SAMMSON: variants seen among roughly 807,000 people sequenced by gnomAD.
The protein encoded by SAMMSON is survival associated mitochondrial melanoma specific oncogenic non-coding RNA, also known as long intergenic non-protein coding RNA 1212.
intron 1 of SAMMSON, among the ~76,000 whole-genome samples, chr3:70,011,982 G>A (rs10510994): frequency 0.45 from 68,341 of 151,700 alleles, 16,482 homozygotes; most frequent in East Asian, 0.63. Context: ...CTGTGAGTTA[G>A]AGGTGATATG....
intron 3 of SAMMSON, among the ~76,000 whole-genome samples, chr3:70,016,676 A>G (rs1229918098): frequency 2.6e-5 from 4 of 152,082 alleles, no homozygotes; most frequent in Non-Finnish European, 1.5e-5. Flanking sequence ...CTGTGTCCTG[A>G]ATGGTATTGC....
At chr3:70,101,825 C>T (rs190430097) in intron 4 of SAMMSON, among the ~76,000 whole-genome samples, 55 of 152,140 alleles carry the variant, frequency 3.6e-4, no homozygotes, top group Admixed American at 2.0e-3. Context: ...CAATTAATAA[C>T]GAAACTAAAA....
rs577190693 is a variant in SAMMSON, at chr3:70,384,743, T to A, written n.914-4831T>A. On this transcript the variant is annotated intron_variant and non_coding_transcript_variant, in intron 9 of 9. Coordinates refer to ENST00000642114, the Ensembl canonical transcript of SAMMSON. ...AATAACAAGCTTACTAGAAATTACC[T>A]TCTCACTGCCATCTAAAAGTGGTAG... 3.3e-5 allele frequency among the ~76,000 whole-genome samples: 5 copies of A among 152,220 alleles called. No homozygotes were observed. The South Asian group carries it at 1.0e-3, about 32-fold the overall frequency.
intron 4 of SAMMSON, among the ~76,000 whole-genome samples, chr3:70,170,472 A>C (rs1219229040): frequency 6.6e-6 from 1 of 151,694 alleles, no homozygotes; most frequent in African/African-American, 2.4e-5. Flanking sequence ...AAATCACATA[A>C]TATTTTTACT....
chr3:70,029,093 G>T (rs1031851697), intron 3 of SAMMSON, among the ~76,000 whole-genome samples: 1 of 152,162 alleles, frequency 6.6e-6, no homozygotes, highest in African/African-American at 2.4e-5. Context: ...AATTAATCCT[G>T]TGTCTTCTTC....
chr3:70,094,545 T>C (rs1429981624), intron 4 of SAMMSON: 1 of 152,250 alleles, frequency 6.6e-6, no homozygotes, highest in Admixed American at 6.5e-5. Context: ...TGAATGGCCT[T>C]TTTTCATCCT....
intron 4 of SAMMSON, among the ~76,000 whole-genome samples, chr3:70,197,386 C>T (rs576074608): frequency 1.3e-5 from 2 of 152,322 alleles, no homozygotes; most frequent in East Asian, 3.9e-4. Context: ...GCTTTATTAA[C>T]TTCCTGAGCA....
At chr3:70,254,909 A>G (rs929875159) in intron 6 of SAMMSON, among the ~76,000 whole-genome samples, 2 of 152,300 alleles carry the variant, frequency 1.3e-5, no homozygotes, top group Middle Eastern at 3.4e-3. Flanking sequence ...TCCTTTTCCG[A>G]CTGTAACATT....
chr3:70,027,442 G>A (rs976478594), intron 3 of SAMMSON, among the ~76,000 whole-genome samples: 1 of 152,142 alleles, frequency 6.6e-6, no homozygotes, highest in Non-Finnish European at 1.5e-5. Flanking sequence ...TGAAAGCCTT[G>A]ACTGAAATTT....
At position 70,317,620 on chromosome 3, in the gene SAMMSON, GTA is replaced by G. The variant is rs562482977; in HGVS notation, n.739+26389_739+26390del. On this transcript the variant is annotated intron_variant and non_coding_transcript_variant, in intron 7 of 9. Coordinates refer to ENST00000642114, the Ensembl canonical transcript of SAMMSON. ...TGTATATATATATGTATGTATATAT[GTA>G]TATATATATATGGATATACACGCGT... Among the ~76,000 whole-genome samples the G allele has an allele frequency of 4.3e-4, 65 of 149,950 alleles. 1 individual carries two copies. Among genetic ancestry groups the G allele is most frequent in the Admixed American group, 1.7e-3 (25 of 14,938 alleles).
chr3:70,054,777 A>G (rs2067161165), intron 3 of SAMMSON, among the ~76,000 whole-genome samples: 1 of 152,078 alleles, frequency 6.6e-6, no homozygotes, highest in Non-Finnish European at 1.5e-5. Flanking sequence ...TCAGCTAGAA[A>G]AAGTTCGGGA....
At chr3:70,058,213 T>A (rs928511744) in intron 3 of SAMMSON, among the ~76,000 whole-genome samples, 3 of 151,974 alleles carry the variant, frequency 2.0e-5, no homozygotes, top group Admixed American at 6.6e-5. Flanking sequence ...GAGACAGAGG[T>A]AAACAGTTCT....
intron 4 of SAMMSON, among the ~76,000 whole-genome samples, chr3:70,149,524 G>A (rs2067563044): frequency 1.3e-5 from 2 of 152,208 alleles, no homozygotes; most frequent in African/African-American, 2.4e-5. Flanking sequence ...TTGGCAGGGG[G>A]TAGCAGGTGG....
intron 4 of SAMMSON, among the ~76,000 whole-genome samples, chr3:70,158,124 G>T (rs1255745425): frequency 1.3e-5 from 2 of 152,028 alleles, no homozygotes; most frequent in Non-Finnish European, 2.9e-5. Context: ...TTACCAAGTT[G>T]TGCAACCATC....
At chr3:70,434,386 A>G (rs936498682) in intron 2 of SAMMSON, among the ~76,000 whole-genome samples, 12 of 152,166 alleles carry the variant, frequency 7.9e-5, no homozygotes, top group Non-Finnish European at 1.3e-4. Flanking sequence ...TTGTGTTAAT[A>G]TAAATGTTAT....
At chr3:70,302,033 A>G (rs1223861363) in intron 7 of SAMMSON, among the ~76,000 whole-genome samples, 1 of 152,082 alleles carries the variant, frequency 6.6e-6, no homozygotes, top group Admixed American at 6.6e-5. Context: ...TTAGCTCAAG[A>G]AGAAGAATTG....
intron 6 of SAMMSON, among the ~76,000 whole-genome samples, chr3:70,282,566 C>T (rs567666898): frequency 6.6e-6 from 1 of 152,278 alleles, no homozygotes; most frequent in South Asian, 2.1e-4. Context: ...TCCAAGCAGT[C>T]TCCTGAATCA....
At chr3:70,322,773 C>G (rs941715523) in intron 7 of SAMMSON, among the ~76,000 whole-genome samples, 3 of 151,972 alleles carry the variant, frequency 2.0e-5, no homozygotes, top group African/African-American at 4.8e-5. Context: ...TTTATTTGAT[C>G]TTATCTGAGA....
In SAMMSON at chr3:70,246,525, C is replaced by T. The variant is rs149898582; in HGVS notation, n.508-2582C>T. ...CTATCAGACTTATCAAACAGAAACA[C>T]GAGATGCACAATTTAATTTGAATTT... On this transcript the variant is annotated intron_variant and non_coding_transcript_variant, in intron 4 of 9. Transcript: ENST00000642114. 3.8e-4 allele frequency among the ~76,000 whole-genome samples: 58 copies of T among 152,038 alleles called. No homozygotes were observed. The East Asian group carries it at 4.3e-3, about 11-fold the overall frequency.
Sources: allele counts gnomAD v4.1 joint callset (sites outside exome capture counted in the v4.1 genomes callset), GRCh38; gene constraint gnomAD v4.1.1; transcripts MANE v1.5; gene names NCBI Gene and HGNC (gene_info 2026-07-23, HGNC 2026-07-21).